VRK2: variants seen among roughly 807,000 people sequenced by gnomAD.
The protein encoded by VRK2 is serine/threonine-protein kinase VRK2.
VRK2 carries 60 observed loss-of-function variants against 57.6 expected under a neutral mutation model. The ratio of observed to expected loss-of-function variants is 1.04; its 90% CI spans 0.85 to 1.29. VRK2 has a LOEUF of 1.29. VRK2 is among the 50% of genes most tolerant of loss of function. The pLI is 0.00. For missense variants in VRK2, 705 were observed against 588.1 expected, an observed-to-expected ratio of 1.20 and a Z score of -2.06; for synonymous variants, 231 against 199.2, an observed-to-expected ratio of 1.16 and a Z score of -1.35.
chr2:57,998,504 C>T (rs1672993428), intron 1 of VRK2, among the ~76,000 whole-genome samples: 1 of 152,056 alleles, frequency 6.6e-6, no homozygotes, highest in African/African-American at 2.4e-5. Context: ...GACAGGGAAA[C>T]AATGGAAAAC....
At chr2:58,072,461 T>A (rs1159368655) in intron 2 of VRK2, among the ~76,000 whole-genome samples, 1 of 151,998 alleles carries the variant, frequency 6.6e-6, no homozygotes, top group East Asian at 1.9e-4. Flanking sequence ...CTAGTATTAC[T>A]GTGAATTTTT....
intron 1 of VRK2, among the ~76,000 whole-genome samples, chr2:57,918,876 T>C (rs1670241950): frequency 6.6e-6 from 1 of 152,132 alleles, no homozygotes; most frequent in Admixed American, 6.5e-5. Flanking sequence ...ACAATGCTGA[T>C]TAATGCTGAT....
At chr2:57,965,497 C>A (rs956519984) in intron 1 of VRK2, among the ~76,000 whole-genome samples, 3 of 152,190 alleles carry the variant, frequency 2.0e-5, no homozygotes, top group Admixed American at 6.5e-5. Context: ...TCAAGCCTCA[C>A]TTATTACCAT....
intron 1 of VRK2, among the ~76,000 whole-genome samples, chr2:57,950,324 A>G (rs1199674478): frequency 6.6e-6 from 1 of 152,248 alleles, no homozygotes; most frequent in Non-Finnish European, 1.5e-5. Context: ...GTTATGGACT[A>G]ACACAGTTGG....
chr2:58,116,435 C>A lies in VRK2; in HGVS notation c.544-6666C>A, dbSNP rs1444395034. On this transcript the variant is annotated intron_variant, in intron 7 of 12. Coordinates refer to ENST00000340157, the MANE Select transcript of VRK2 (RefSeq NM_006296.7). ...AGGTGGGGATAACTAAAAAAGAGTG[C>A]TTAAAAGAGTATTGTCTAAGTTGGC... Among the ~76,000 whole-genome samples, 3 of 151,784 alleles carry A rather than the reference C, an allele frequency of 2.0e-5. No individual in the cohort carries two copies. The East Asian group carries it at 5.8e-4, about 29-fold the overall frequency.
At chr2:57,961,023 T>C (rs769220528) in intron 1 of VRK2, among the ~76,000 whole-genome samples, 6 of 152,132 alleles carry the variant, frequency 3.9e-5, no homozygotes, top group Non-Finnish European at 7.4e-5. Context: ...CCTGGTGATA[T>C]GGAAATGGTA....
intron 11 of VRK2, 98 bp downstream of exon 11, chr2:58,139,930 C>T: frequency 7.7e-7 from 1 of 1,294,630 alleles, no homozygotes; most frequent in South Asian, 1.7e-5. Context: ...TGACAGCTTT[C>T]TTCTTCCTTA....
chr2:58,089,545 C>G (rs1248126660), intron 6 of VRK2, 86 bp from the exon 7 acceptor site: 1 of 742,880 alleles, frequency 1.3e-6, no homozygotes, highest in East Asian at 2.9e-5. Flanking sequence ...TATGAAAAAA[C>G]CCATGTTATT....
intron 7 of VRK2, among the ~76,000 whole-genome samples, chr2:58,116,226 G>T (rs1218187267): frequency 6.6e-6 from 1 of 152,086 alleles, no homozygotes; most frequent in African/African-American, 2.4e-5. Context: ...TGCGTGATCG[G>T]TCGCCAAGGA....
chr2:58,001,499 G>A (rs974970841), intron 1 of VRK2, among the ~76,000 whole-genome samples: 41 of 152,122 alleles, frequency 2.7e-4, no homozygotes, highest in African/African-American at 9.2e-4. Flanking sequence ...GCATTTCTAC[G>A]GAAAATAAAA....
At chr2:57,937,136 T>G (rs1283125071) in intron 1 of VRK2, among the ~76,000 whole-genome samples, 1 of 152,204 alleles carries the variant, frequency 6.6e-6, no homozygotes, top group African/African-American at 2.4e-5. Flanking sequence ...TGAGAAGTAC[T>G]GTAGACCAAT....
intron 1 of VRK2, among the ~76,000 whole-genome samples, chr2:57,961,884 C>A (rs1671772706): frequency 6.6e-6 from 1 of 152,060 alleles, no homozygotes; most frequent in Admixed American, 6.6e-5. Flanking sequence ...GGAGACACAG[C>A]CTGGCAACAT....
chr2:58,021,539 C>A (rs1015268634), intron 1 of VRK2, among the ~76,000 whole-genome samples: 2 of 152,128 alleles, frequency 1.3e-5, no homozygotes, highest in African/African-American at 4.8e-5. Flanking sequence ...ATACTATGAC[C>A]GTTTATCTGG....
intron 8 of VRK2, among the ~76,000 whole-genome samples, chr2:58,124,839 AT>A (rs1480524931): frequency 6.6e-6 from 1 of 152,016 alleles, no homozygotes; most frequent in African/African-American, 2.4e-5. Flanking sequence ...AAATGACTAC[AT>A]TTTTTTTCAA....
chr2:58,051,899 A>G (rs1053402758), intron 2 of VRK2, among the ~76,000 whole-genome samples: 4 of 152,242 alleles, frequency 2.6e-5, no homozygotes, highest in African/African-American at 9.6e-5. Flanking sequence ...CTTTCTTTGA[A>G]TATGAAAAGA....
chr2:57,974,624 T>G (rs1228715976), intron 1 of VRK2, among the ~76,000 whole-genome samples: 1 of 151,826 alleles, frequency 6.6e-6, no homozygotes, highest in Non-Finnish European at 1.5e-5. Context: ...ACATATAAAC[T>G]GTGAGATAAA....
At chr2:58,159,919 A>G (rs1684852440), downstream of VRK2, 2 of 1,539,728 alleles carry the variant, frequency 1.3e-6, no homozygotes, top group African/African-American at 2.8e-5. Context: ...ACACTTCTGA[A>G]GTTTCAGATC....
intron 2 of VRK2, among the ~76,000 whole-genome samples, chr2:58,078,576 A>AT (rs1325170811): frequency 1.3e-5 from 2 of 152,006 alleles, no homozygotes; most frequent in African/African-American, 4.8e-5. Flanking sequence ...CCGCCATACC[A>AT]TTTTTTATAG....
chr2:58,137,146 TATC>T lies in VRK2; in HGVS notation c.856+1950_856+1952del, dbSNP rs1219595572. Among the ~76,000 whole-genome samples, 34 of 31,388 alleles carry T rather than the reference TATC, an allele frequency of 1.1e-3. No individual in the cohort carries two copies. The East Asian group carries it at 0.027, about 25-fold the overall frequency. The allele number at this position is 31,388 out of a possible 152,430, so 20.6% of individuals were successfully genotyped here. On this transcript the variant is annotated intron_variant, in intron 10 of 12. Transcript: ENST00000340157. ...ATGTGTATATATCATATATCATATA[TATC>T]ATGTGTTTATATATATCATATATCA... is the stretch of plus-strand genomic sequence containing the variant.
Sources: allele counts gnomAD v4.1 joint callset (sites outside exome capture counted in the v4.1 genomes callset), GRCh38; gene constraint gnomAD v4.1.1; transcripts MANE v1.5; gene names NCBI Gene and HGNC (gene_info 2026-07-23, HGNC 2026-07-21).